The following FBXO3 variants were observed in gnomAD, a reference collection of about 807,000 sequenced individuals.
FBXO3 encodes F-box protein 3.
Under a neutral mutation model 64.8 loss-of-function variants are expected in FBXO3, and 17 were observed. That is an observed-to-expected ratio of 0.26 (90% CI 0.18 to 0.39). The LOEUF (loss-of-function observed/expected upper bound fraction) is 0.39. Ranked by LOEUF, FBXO3 falls within the 10% of genes least tolerant of loss-of-function variation. FBXO3 has a pLI of 1.00. For missense variants in FBXO3, 420 were observed against 589.9 expected, an observed-to-expected ratio of 0.71 and a Z score of 2.98; for synonymous variants, 182 against 201.6, an observed-to-expected ratio of 0.90 and a Z score of 0.82.
intron 10 of FBXO3, chr11:33,742,358 G>A: frequency 1.4e-5 from 3 of 218,808 alleles, no homozygotes; most frequent in Non-Finnish European, 1.8e-5. Context: ...TCTTAGAGAC[G>A]AGTTCTTGCT....
intron 10 of FBXO3, chr11:33,744,222 A>G (rs1311890665): frequency 1.3e-5 from 2 of 152,212 alleles, no homozygotes; most frequent in African/African-American, 4.8e-5. Flanking sequence ...TGTGAGTAGT[A>G]TGATTATTAA....
At position 33,747,300 on chromosome 11, in the gene FBXO3, G is replaced by A. The variant is rs1336138754; in HGVS notation, c.1069C>T (p.Pro357Ser). 1 of 1,609,438 alleles carries A rather than the reference G, an allele frequency of 6.2e-7. No individual in the cohort carries two copies. Among genetic ancestry groups the A allele is most frequent in the East Asian group, 2.2e-5 (1 of 44,832 alleles). ...CTTGTGTATTCATATACCCGACCTG[G>A]GCTGATGATTGGAAATTCACCTGCA... ...GVVGEFPIIS[P>S]GRVYEYTSCT... is the part of the protein sequence containing the mutation. Residue 357 changes from proline to serine, a missense_variant, in exon 10 of 11, where the codon CCA (proline) becomes TCA (serine). Around this residue, in one of 3 missense-constraint regions of FBXO3, gnomAD observed 337 missense variants for 518.4 expected, o/e 0.65. Coordinates refer to ENST00000265651, the MANE Select transcript of FBXO3 (RefSeq NM_012175.4).
chr11:33,762,778 T>G (rs558041727), intron 3 of FBXO3, among the ~76,000 whole-genome samples: 2 of 148,546 alleles, frequency 1.3e-5, no homozygotes, highest in East Asian at 3.9e-4. Flanking sequence ...TCAAAGAAAT[T>G]AATGAAATAA....
intron 1 of FBXO3, chr11:33,772,572 T>A (rs1368773162): frequency 6.6e-6 from 1 of 152,258 alleles, no homozygotes; most frequent in Non-Finnish European, 1.5e-5. Context: ...CTGAACATAC[T>A]TTTCCCTCTG....
Position 33,774,401 on chromosome 11 carries a change from G to A in FBXO3, c.97C>T (p.Leu33=), listed in dbSNP as rs773369417. The A allele has an allele frequency of 2.7e-5, 43 of 1,602,208 alleles. No individual in the cohort carries two copies. Among genetic ancestry groups the A allele is most frequent in the Non-Finnish European group, 1.7e-6 (2 of 1,174,374 alleles). ...TGCGTGTCGTCCCATTACTTGATTA[G>A]ATCCCGATAGTCCAAAAAGGATAAG... The part of the protein sequence containing the change: ...LILSFLDYRD[L]INCCYVSRRL... The change falls in exon 1 of 11, where the codon CTA becomes TTA. Residue 33 remains leucine, a synonymous_variant. Coordinates refer to ENST00000265651, the MANE Select transcript of FBXO3 (RefSeq NM_012175.4).
chr11:33,763,196 C>A, intron 3 of FBXO3: 1 of 408,032 alleles, frequency 2.5e-6, no homozygotes, highest in Non-Finnish European at 5.0e-6. Flanking sequence ...AAAAATAAGA[C>A]CAAGCTTACA....
intron 3 of FBXO3, 102 bp from the exon 4 acceptor site, chr11:33,758,703 A>T: frequency 1.5e-6 from 1 of 681,514 alleles, no homozygotes. Context: ...GGAATGAGTG[A>T]ATTCTGTCCA....
intron 8 of FBXO3, among the ~76,000 whole-genome samples, chr11:33,749,668 A>G (rs1402953): frequency 0.25 from 38,521 of 152,086 alleles, 6,157 homozygotes; most frequent in Middle Eastern, 0.48. Flanking sequence ...CCAGCCTGGG[A>G]TTACACTTTG....
In FBXO3 at chr11:33,741,828, A is replaced by T; in HGVS notation, c.*80T>A. 7.2e-7 allele frequency: 1 copy of T among 1,385,762 alleles called. No homozygotes were observed. The highest frequency in any genetic ancestry group is 9.5e-7 in the Non-Finnish European group (1 of 1,048,174). The allele number at this position is 1,385,762 out of a possible 1,614,324, so 85.8% of individuals were successfully genotyped here. A position where few individuals can be genotyped will look rare whatever the true frequency, so the allele number is the denominator to read the frequency against. The stretch of plus-strand genomic sequence containing the variant: ...CTAGTTTTCCTGCTATATGCAGAGA[A>T]CAATTTAGTTATTTACATTATTGAG... On this transcript the variant is annotated 3_prime_UTR_variant, in exon 11 of 11. Transcript: ENST00000265651.
intron 2 of FBXO3, among the ~76,000 whole-genome samples, chr11:33,769,855 T>TTG (rs1491234896): frequency 8.8e-3 from 57 of 6,446 alleles, no homozygotes; most frequent in Non-Finnish European, 0.048. Flanking sequence ...TCAGGGTGGG[T>TTG]TTTTTTTTTT....
At chr11:33,754,673 T>A (rs1214944813) in intron 5 of FBXO3, among the ~76,000 whole-genome samples, 173 bp from the exon 6 acceptor site, 1 of 152,088 alleles carries the variant, frequency 6.6e-6, no homozygotes, top group African/African-American at 2.4e-5. Flanking sequence ...AGTCAAGAGA[T>A]CCGAACAGTT....
intron 3 of FBXO3, among the ~76,000 whole-genome samples, chr11:33,768,529 T>TA (rs912858004): frequency 7.9e-5 from 12 of 151,562 alleles, no homozygotes; most frequent in African/African-American, 2.2e-4. Context: ...ATTTCACAAT[T>TA]AAAAAAAAAT....
At chr11:33,756,307 A>G (rs1855095449) in intron 4 of FBXO3, among the ~76,000 whole-genome samples, 1 of 152,214 alleles carries the variant, frequency 6.6e-6, no homozygotes, top group African/African-American at 2.4e-5. Flanking sequence ...TGTGTGGCCA[A>G]TTTAATGTTT....
chr11:33,769,862 T>TG (rs895725198), intron 2 of FBXO3, among the ~76,000 whole-genome samples: 1 of 150,514 alleles, frequency 6.6e-6, no homozygotes, highest in Non-Finnish European at 1.5e-5. Context: ...GGGTTTTTTT[T>TG]TTTTTTTTTT....
chr11:33,757,682 G>T lies in FBXO3; in HGVS notation c.473+805C>A, dbSNP rs187894263. Among the ~76,000 whole-genome samples, 266 of 35,322 alleles carry T rather than the reference G, an allele frequency of 7.5e-3. 2 individuals carry two copies. The Middle Eastern group carries it at 0.094, about 12-fold the overall frequency. 23.2% of individuals were successfully genotyped at this position (35,322 alleles called of 152,430 possible). On this transcript the variant is annotated intron_variant, in intron 4 of 10. Coordinates refer to ENST00000265651, the MANE Select transcript of FBXO3 (RefSeq NM_012175.4). ...AAAAAAAAAAAAAAAAAAAAAAAAA[G>T]TCTGGGTGGTTTGCATCTGTAATCC...
At chr11:33,746,770 ATTTG>A (rs1854822774) in intron 10 of FBXO3, 2 of 1,410,356 alleles carry the variant, frequency 1.4e-6, no homozygotes, top group Non-Finnish European at 1.8e-6. Flanking sequence ...TTTATGGAAT[ATTTG>A]TTTATTTGAC....
At chr11:33,757,683 T>TAAAAAAAAAAAAA (rs1554946196) in intron 4 of FBXO3, among the ~76,000 whole-genome samples, 3 of 34,754 alleles carry the variant, frequency 8.6e-5, no homozygotes, top group Non-Finnish European at 1.9e-4. Flanking sequence ...AAAAAAAAAG[T>TAAAAAAAAAAAAA]CTGGGTGGTT....
chr11:33,755,478 A>T (rs1855073575), intron 5 of FBXO3, among the ~76,000 whole-genome samples: 1 of 141,006 alleles, frequency 7.1e-6, no homozygotes, highest in Non-Finnish European at 1.5e-5. Context: ...TCTGAAACAC[A>T]TATTACAATT....
At chr11:33,770,921 C>G (rs1040234146) in intron 1 of FBXO3, 91 bp from the exon 2 acceptor site, 1 of 1,005,580 alleles carries the variant, frequency 9.9e-7, no homozygotes, top group East Asian at 2.7e-5. Flanking sequence ...TTGTTTTATG[C>G]CTTTTGTTTC....
Sources: gnomAD v4.1 joint callset for allele counts (sites outside exome capture counted in the v4.1 genomes callset) on GRCh38, gnomAD v4.1.1 for gene constraint, gnomAD v4.1.1 regional missense constraint, MANE v1.5 for transcripts, NCBI Gene and HGNC (gene_info 2026-07-23, HGNC 2026-07-21) for gene names.